NR2C1: variants seen among roughly 807,000 people sequenced by gnomAD.
NR2C1 encodes TR2 nuclear hormone receptor.
NR2C1 carries 33 observed loss-of-function variants against 74.8 expected under a neutral mutation model. That is an observed-to-expected ratio of 0.44 (90% CI 0.33 to 0.59). The LOEUF (loss-of-function observed/expected upper bound fraction) is 0.59, where lower values mean the gene tolerates loss of function less well. Ranked by LOEUF, NR2C1 falls within the 20% of genes least tolerant of loss-of-function variation. The pLI is 0.02. For synonymous variants in NR2C1, 225 were observed against 240.6 expected, an observed-to-expected ratio of 0.94 and a Z score of 0.60; for missense variants, 568 against 715.6, an observed-to-expected ratio of 0.79 and a Z score of 2.35.
intron 7 of NR2C1, among the ~76,000 whole-genome samples, chr12:95,053,958 C>A (rs961023348): frequency 4.6e-5 from 7 of 152,134 alleles, no homozygotes; most frequent in Non-Finnish European, 1.0e-4. Context: ...GCTGGGATTA[C>A]AGGCGTGAGC....
intron 10 of NR2C1, among the ~76,000 whole-genome samples, chr12:95,032,860 C>T (rs1399943510): frequency 6.6e-6 from 1 of 152,022 alleles, no homozygotes; most frequent in Non-Finnish European, 1.5e-5. Context: ...CTCAGCTACT[C>T]GCAGGCTGAG....
chr12:95,056,131 T>C (rs1286621578), intron 7 of NR2C1, among the ~76,000 whole-genome samples: 1 of 151,578 alleles, frequency 6.6e-6, no homozygotes, highest in African/African-American at 2.4e-5. Context: ...CCAGGCACAG[T>C]GTCACGTGCC....
At chr12:95,051,668 A>C (rs1272168969) in intron 8 of NR2C1, 94 bp downstream of exon 8, 98 of 1,135,048 alleles carry the variant, frequency 8.6e-5, no homozygotes, top group Non-Finnish European at 1.2e-4. Context: ...TTGTTTTCTG[A>C]AACTTTTATA....
rs75120242 is a variant in NR2C1, at chr12:95,066,748, A to G, written c.54+583T>C. On this transcript the variant is annotated intron_variant, in intron 2 of 13. Coordinates refer to ENST00000333003, the MANE Select transcript of NR2C1 (RefSeq NM_003297.4). ...TAAATGCTGACACATTTCATCATATAGTATCATCACATGTCACACAGTCTG... is the reference window on the plus strand; with the variant it reads ...TAAATGCTGACACATTTCATCATATGGTATCATCACATGTCACACAGTCTG... Among the ~76,000 whole-genome samples the G allele has an allele frequency of 7.6e-3, 1,163 of 152,348 alleles. 16 individuals are homozygous for G. Among genetic ancestry groups the G allele is most frequent in the African/African-American group, 0.027 (1,104 of 41,588 alleles).
At chr12:95,066,455 T>C (rs1460479778) in intron 2 of NR2C1, among the ~76,000 whole-genome samples, 4 of 152,236 alleles carry the variant, frequency 2.6e-5, no homozygotes, top group East Asian at 3.8e-4. Context: ...TATGTATATA[T>C]GTTAAAGAAA....
At chr12:95,028,281 C>G in intron 12 of NR2C1, 106 bp downstream of exon 12, 1 of 859,476 alleles carries the variant, frequency 1.2e-6, no homozygotes, top group East Asian at 2.7e-5. Context: ...AACTCTTTTC[C>G]CAGGTAACTG....
chr12:95,032,697 G>A (rs557730840), intron 10 of NR2C1, among the ~76,000 whole-genome samples: 1 of 152,216 alleles, frequency 6.6e-6, no homozygotes, highest in Non-Finnish European at 1.5e-5. Context: ...GCTGGGCGCA[G>A]TAGCTCACGT....
At position 95,051,947 on chromosome 12, in the gene NR2C1, T is replaced by TA. The variant is rs752560970; in HGVS notation, c.784-5dup. On this transcript the variant is annotated splice_region_variant and splice_polypyrimidine_tract_variant and intron_variant, in intron 7 of 13. Coordinates refer to ENST00000333003, the MANE Select transcript of NR2C1 (RefSeq NM_003297.4). ...AATCTCCCTGACATGATTCAGCCTT[T>TA]AAAAAAAAGGGTATTAAAATTCTGT... 9.2e-5 allele frequency: 140 copies of TA among 1,524,196 alleles called. No individual in the cohort carries two copies. Among genetic ancestry groups the TA allele is most frequent in the Admixed American group, 2.5e-4 (11 of 43,890 alleles). 94.4% of individuals were successfully genotyped at this position (1,524,196 alleles called of 1,614,324 possible).
intron 12 of NR2C1, 26 bp from the exon 13 acceptor site, chr12:95,025,281 A>G (rs778444988): frequency 8.3e-7 from 1 of 1,203,720 alleles, no homozygotes; most frequent in Admixed American, 1.9e-5. Context: ...AAACATTGGT[A>G]CCCTAGTTCT....
At chr12:95,026,541 A>C (rs1321844869) in intron 12 of NR2C1, among the ~76,000 whole-genome samples, 1 of 152,198 alleles carries the variant, frequency 6.6e-6, no homozygotes, top group Admixed American at 6.5e-5. Flanking sequence ...ATACTTAGTA[A>C]AATAAAATTA....
chr12:95,055,456 G>C (rs534540019), intron 7 of NR2C1, among the ~76,000 whole-genome samples: 1 of 152,026 alleles, frequency 6.6e-6, no homozygotes, highest in South Asian at 2.1e-4. Flanking sequence ...AGCCCAAACT[G>C]TAAGATACTT....
At chr12:95,062,052 T>C (rs553512003) in intron 3 of NR2C1, among the ~76,000 whole-genome samples, 6 of 152,350 alleles carry the variant, frequency 3.9e-5, no homozygotes, top group Admixed American at 2.0e-4. Flanking sequence ...GGCAGCTTCC[T>C]GTTTGTAGCA....
At chr12:95,045,446 G>A (rs961863231) in intron 9 of NR2C1, among the ~76,000 whole-genome samples, 3 of 152,054 alleles carry the variant, frequency 2.0e-5, no homozygotes, top group Non-Finnish European at 2.9e-5. Flanking sequence ...GGAAAAGAAA[G>A]ACTGGAAGCG....
chr12:95,033,475 C>G (rs77052646), intron 10 of NR2C1, among the ~76,000 whole-genome samples: 2,803 of 152,080 alleles, frequency 0.018, 32 homozygotes, highest in Middle Eastern at 0.051. Flanking sequence ...GGAATAGTAT[C>G]CCAGGGAGAA....
At chr12:95,050,853 C>A (rs1273050560) in intron 8 of NR2C1, among the ~76,000 whole-genome samples, 1 of 152,084 alleles carries the variant, frequency 6.6e-6, no homozygotes, top group Non-Finnish European at 1.5e-5. Context: ...CTTTCTTCAA[C>A]TGTAACTTAA....
In NR2C1 at chr12:95,021,551, A is replaced by G. The variant is rs1045926743; in HGVS notation, c.*678T>C. 5 of 152,108 alleles carry G rather than the reference A, an allele frequency of 3.3e-5. No individual in the cohort carries two copies. The highest frequency in any genetic ancestry group is 1.2e-4 in the African/African-American group (5 of 41,442). 9.4% of individuals were successfully genotyped at this position (152,108 alleles called of 1,614,324 possible). A position where few individuals can be genotyped will look rare whatever the true frequency, so the allele number is the denominator to read the frequency against. ...AAATATCAACACTAGCTTATTCTCA[A>G]AAACAATTTTCTGCTATATAAAGTG... is the stretch of plus-strand genomic sequence containing the variant. On this transcript the variant is annotated 3_prime_UTR_variant, in exon 14 of 14. Coordinates refer to ENST00000333003, the MANE Select transcript of NR2C1 (RefSeq NM_003297.4).
At chr12:95,058,187 A>AT in intron 5 of NR2C1, 123 bp downstream of exon 5, 1 of 883,648 alleles carries the variant, frequency 1.1e-6, no homozygotes, top group South Asian at 2.0e-5. Flanking sequence ...GTATTCTTAT[A>AT]TTTTTAGTTG....
intron 7 of NR2C1, among the ~76,000 whole-genome samples, chr12:95,054,786 T>A (rs1873584600): frequency 6.6e-6 from 1 of 152,214 alleles, no homozygotes; most frequent in Admixed American, 6.5e-5. Flanking sequence ...TTGATCATTC[T>A]TAGGTGTTTC....
rs764164488 is a variant in NR2C1 at position 95,062,776 on chromosome 12, A to ATT, written c.55-39_55-38insAA. Reference sequence around the variant, plus strand: ...TGAAAAATAATCAATGAAACTCAATAATTTTTCTTTAATGACACAATTATC... The same window carrying ATT: ...TGAAAAATAATCAATGAAACTCAATATTATTTTTCTTTAATGACACAATTATC... On this transcript the variant is annotated intron_variant, in intron 2 of 13. Transcript: ENST00000333003. 3.3e-5 allele frequency: 49 copies of ATT among 1,504,816 alleles called. 1 individual carries two copies. Among genetic ancestry groups the ATT allele is most frequent in the African/African-American group, 5.5e-5 (4 of 72,540 alleles). The allele number at this position is 1,504,816 out of a possible 1,614,324, so 93.2% of individuals were successfully genotyped here.
Sources: allele counts gnomAD v4.1 joint callset (sites outside exome capture counted in the v4.1 genomes callset), GRCh38; gene constraint gnomAD v4.1.1; transcripts MANE v1.5; gene names NCBI Gene and HGNC (gene_info 2026-07-23, HGNC 2026-07-21).